RP1L1: variants seen among roughly 807,000 people sequenced by gnomAD.
RP1L1 encodes retinitis pigmentosa 1-like 1 protein.
Under a neutral mutation model 15.7 loss-of-function variants are expected in RP1L1, and 27 were observed. The observed-to-expected ratio is 1.72, with a 90% CI of 1.27 to 2.38. The LOEUF (loss-of-function observed/expected upper bound fraction) is 2.38. Among genes scored for constraint, RP1L1 ranks in the 30% most tolerant of loss-of-function variants. The pLI is 0.00. For synonymous variants in RP1L1, 1,813 were observed against 1,276.7 expected (o/e 1.42, Z -8.96); for missense variants, 4,798 against 3,075.9 (o/e 1.56, Z -13.24).
chr8:10,606,793 T>C lies in RP1L1; in HGVS notation c.*102A>G, dbSNP rs1024458546. The C allele has an allele frequency of 5.1e-6, 8 of 1,575,560 alleles. No homozygotes were observed. In the East Asian group the frequency reaches 1.3e-4, roughly 27 times the overall value. ...AAGTCCTTGGTCTTTGTCCATGTACTATGGACATCTCCAGTGGACTGAACG... is the reference window on the plus strand; with the variant it reads ...AAGTCCTTGGTCTTTGTCCATGTACCATGGACATCTCCAGTGGACTGAACG... On this transcript the variant is annotated 3_prime_UTR_variant, in exon 4 of 4. Transcript: ENST00000382483.
At position 10,609,233 on chromosome 8, in the gene RP1L1, C is replaced by A. The variant is rs151260617; in HGVS notation, c.4865G>T (p.Arg1622Leu). 2 of 1,609,396 alleles carry A rather than the reference C, an allele frequency of 1.2e-6. No individual in the cohort carries two copies. Among genetic ancestry groups the A allele is most frequent in the African/African-American group, 2.7e-5 (2 of 75,060 alleles). Residue 1622 changes from arginine (R) to leucine (L), a missense_variant, in exon 4 of 4, where the codon CGG becomes CTG. Coordinates refer to ENST00000382483, the MANE Select transcript of RP1L1 (RefSeq NM_178857.6). ...GGAGAGGGGCCCCAGGCCCAGGGTC[C>A]GCTCAGAGAAGGCCGAGAGGTTTCG... The part of the protein sequence containing the change: ...GLRNLSAFSE[R>L]TLGLGPLSFT...
At chr8:10,635,820 G>A (rs1033555927) in intron 1 of RP1L1, among the ~76,000 whole-genome samples, 2 of 152,218 alleles carry the variant, frequency 1.3e-5, no homozygotes, top group Non-Finnish European at 2.9e-5. Flanking sequence ...AGTTACTTAC[G>A]GAGCGCTGAG....
intron 1 of RP1L1, among the ~76,000 whole-genome samples, chr8:10,645,104 G>C (rs1311735457): frequency 6.6e-6 from 1 of 152,128 alleles, no homozygotes; most frequent in Non-Finnish European, 1.5e-5. Flanking sequence ...AGGCAGGAGG[G>C]TCACTTAAGG....
chr8:10,629,293 G>C (rs1186350655), intron 1 of RP1L1, among the ~76,000 whole-genome samples: 1 of 36 alleles, frequency 0.028, no homozygotes, highest in Admixed American at 0.5. Context: ...CATGGGCCCT[G>C]CCTGGGGGCT....
chr8:10,609,611 G>C lies in RP1L1; in HGVS notation c.4487C>G (p.Thr1496Ser). 1.2e-6 allele frequency: 2 copies of C among 1,607,388 alleles called. No homozygotes were observed. Among genetic ancestry groups the C allele is most frequent in the South Asian group, 2.2e-5 (2 of 91,052 alleles). ...MGQEHTQAQP[T>S]QGAAERSSSV... is the part of the protein sequence containing the mutation. ...AGAGCTCCTCTCTGCAGCCCCCTGGGTGGGTTGGGCCTGCGTGTGCTCTTG... is the reference window on the plus strand; with the variant it reads ...AGAGCTCCTCTCTGCAGCCCCCTGGCTGGGTTGGGCCTGCGTGTGCTCTTG... Residue 1496 changes from threonine (T) to serine (S), a missense_variant, in exon 4 of 4, where the codon ACC becomes AGC. By Grantham distance (58) the Thr-to-Ser change is moderately conservative (BLOSUM62 1). Transcript: ENST00000382483.
chr8:10,616,623 C>A, intron 2 of RP1L1, 36 bp from the exon 3 acceptor site: 1 of 1,593,406 alleles, frequency 6.3e-7, no homozygotes, highest in Non-Finnish European at 8.5e-7. Context: ...GAGGCCTGGG[C>A]TGCAGAAACC....
intron 1 of RP1L1, among the ~76,000 whole-genome samples, chr8:10,625,601 C>A (rs192430842): frequency 6.6e-6 from 1 of 152,154 alleles, no homozygotes; most frequent in African/African-American, 2.4e-5. Context: ...CATGACTGAG[C>A]GATAAAGGCG....
chr8:10,622,610 T>G lies in RP1L1; in HGVS notation c.592A>C (p.Thr198Pro). 2.5e-6 allele frequency: 4 copies of G among 1,614,218 alleles called. No homozygotes were observed. The highest frequency in any genetic ancestry group is 3.4e-6 in the Non-Finnish European group (4 of 1,180,050). Residue 198 changes from threonine to proline, a missense_variant, in exon 2 of 4, where the codon ACG (threonine) becomes CCG (proline). Physicochemically the swap from Thr to Pro is conservative, Grantham distance 38 (BLOSUM62 -1). Transcript: ENST00000382483. ...CAGCCTACCTTTTTCCCGCTGGTCG[T>G]GTACAACTGCTTCACAGGAAAGCGC... ...LLRFPVKQLY[T>P]TSGKKVDSLQ... is the part of the protein sequence containing the mutation.
At chr8:10,629,716 A>G (rs1431372357) in intron 1 of RP1L1, among the ~76,000 whole-genome samples, 4 of 152,150 alleles carry the variant, frequency 2.6e-5, no homozygotes, top group Non-Finnish European at 5.9e-5. Flanking sequence ...CCACGCTGGC[A>G]TGGGGGCTCC....
rs889120498 is a variant in RP1L1 at position 10,610,000 on chromosome 8, C to T, written c.4098G>A (p.Gly1366=). The change falls in exon 4 of 4, where the codon GGG becomes GGA. Residue 1366 remains glycine, a synonymous_variant. Transcript: ENST00000382483. ...CTAACTGCACCCCCTCTTCTTGCAG[C>T]CCTTCTCCTCCTGTTTCTTCAATTT... ...LEEIEETGGE[G]LQEEGVQLEE... The T allele has an allele frequency of 3.8e-6, 6 of 1,588,836 alleles. No individual in the cohort carries two copies. The highest frequency in any genetic ancestry group is 1.4e-5 in the African/African-American group (1 of 73,760).
chr8:10,652,554 G>A (rs1314873523), intron 1 of RP1L1, among the ~76,000 whole-genome samples: 1 of 152,080 alleles, frequency 6.6e-6, no homozygotes, highest in Non-Finnish European at 1.5e-5. Context: ...TCAATGACTC[G>A]CCCAAGGTTC....
At position 10,606,538 on chromosome 8, in the gene RP1L1, T is replaced by A. The variant is rs1797704357; in HGVS notation, c.*357A>T. On this transcript the variant is annotated 3_prime_UTR_variant, in exon 4 of 4. Coordinates refer to ENST00000382483, the MANE Select transcript of RP1L1 (RefSeq NM_178857.6). ...CAGGGAAAAGACAGAGAGCAACACT[T>A]GCTAGCAGAAAACAAACCCACAAAC... 2 of 285,242 alleles carry A rather than the reference T, an allele frequency of 7.0e-6. No individual in the cohort carries two copies. Among genetic ancestry groups the A allele is most frequent in the Non-Finnish European group, 1.3e-5 (2 of 150,420 alleles). 17.7% of individuals were successfully genotyped at this position (285,242 alleles called of 1,614,324 possible).
intron 3 of RP1L1, 78 bp downstream of exon 3, chr8:10,616,368 C>A: frequency 6.3e-7 from 1 of 1,593,118 alleles, no homozygotes; most frequent in Non-Finnish European, 8.6e-7. Flanking sequence ...CCTGAATTAC[C>A]TGGAAGGCTT....
rs1798090650 is a variant in RP1L1 at position 10,622,934 on chromosome 8, G to A, written c.268C>T (p.Leu90Phe). The change falls in exon 2 of 4, where the codon CTC becomes TTC. Residue 90 changes from leucine (L) to phenylalanine (F), a missense_variant. By Grantham distance (22) the Leu-to-Phe change is conservative (BLOSUM62 0). Coordinates refer to ENST00000382483, the MANE Select transcript of RP1L1 (RefSeq NM_178857.6). ...TCTTCCAGCTGCTCCAGGGCGCTGA[G>A]GCTATGCAGGCCCCGGGGTGTGGTG... Reference protein sequence around the residue: ...SVTTPRGLHSLSALEQLEDGG... With the variant: ...SVTTPRGLHSFSALEQLEDGG... 1 of 1,614,096 alleles carries A rather than the reference G, an allele frequency of 6.2e-7. No individual in the cohort carries two copies. The highest frequency in any genetic ancestry group is 2.2e-5 in the East Asian group (1 of 44,880).
At chr8:10,643,764 C>T (rs1334043322) in intron 1 of RP1L1, among the ~76,000 whole-genome samples, 1 of 151,958 alleles carries the variant, frequency 6.6e-6, no homozygotes, top group African/African-American at 2.4e-5. Flanking sequence ...TGCAGCCTTG[C>T]CTGGGGCCTC....
At position 10,612,695 on chromosome 8, in the gene RP1L1, T is replaced by A; in HGVS notation, c.1403A>T (p.Glu468Val). The A allele has an allele frequency of 6.2e-7, 1 of 1,603,242 alleles. No individual in the cohort carries two copies. The highest frequency in any genetic ancestry group is 8.5e-7 in the Non-Finnish European group (1 of 1,178,310). The change falls in exon 4 of 4, where the codon GAG becomes GTG. Residue 468 changes from glutamate to valine, a missense_variant. Physicochemically the swap from Glu to Val is moderately radical, Grantham distance 121 (BLOSUM62 -2). Coordinates refer to ENST00000382483, the MANE Select transcript of RP1L1 (RefSeq NM_178857.6). ...CGGGGTCCTGGGGCAGCAGGAGGACTCTGGCTCCGAGCCCTCGGGGAGGCC... is the reference window on the plus strand; with the variant it reads ...CGGGGTCCTGGGGCAGCAGGAGGACACTGGCTCCGAGCCCTCGGGGAGGCC... ...STGLPEGSEP[E>V]SSCCPRTPED...
intron 1 of RP1L1, among the ~76,000 whole-genome samples, chr8:10,637,015 C>T (rs1173970085): frequency 6.6e-6 from 1 of 152,210 alleles, no homozygotes; most frequent in Non-Finnish European, 1.5e-5. Flanking sequence ...CTGCAGTGTA[C>T]AAAGCATCGT....
intron 1 of RP1L1, among the ~76,000 whole-genome samples, chr8:10,638,792 C>T (rs59705748): frequency 0.22 from 34,153 of 151,992 alleles, 4,150 homozygotes; most frequent in Non-Finnish European, 0.26. Flanking sequence ...CCCAGTGGAT[C>T]ATTAAGAAGC....
intron 1 of RP1L1, among the ~76,000 whole-genome samples, chr8:10,650,553 C>CTTT (rs1187467021): frequency 3.6e-5 from 5 of 138,842 alleles, no homozygotes; most frequent in South Asian, 2.4e-4. Context: ...CTCCGTAGTT[C>CTTT]TTTTTTTTTT....
Sources: gnomAD v4.1 joint callset for allele counts (sites outside exome capture counted in the v4.1 genomes callset) on GRCh38, gnomAD v4.1.1 for gene constraint, MANE v1.5 for transcripts, NCBI Gene and HGNC (gene_info 2026-07-23, HGNC 2026-07-21) for gene names.